The following HIVEP1 variants were observed in gnomAD, a reference collection of about 807,000 sequenced individuals.
HIVEP1 encodes zinc finger protein 40.
HIVEP1 carries 36 observed loss-of-function variants against 180.0 expected under a neutral mutation model. The ratio of observed to expected loss-of-function variants is 0.20; its 90% CI spans 0.15 to 0.26. The LOEUF is 0.26. HIVEP1 is among the 10% of genes least tolerant of loss of function. The pLI is 1.00. For missense variants in HIVEP1, 3,143 were observed against 3,268.7 expected, an observed-to-expected ratio of 0.96 and a Z score of 0.94; for synonymous variants, 1,239 against 1,239.0, an observed-to-expected ratio of 1.00 and a Z score of 0.00.
At chr6:12,108,683 G>GTGC (rs1187398311) in intron 3 of HIVEP1, among the ~76,000 whole-genome samples, 2 of 152,182 alleles carry the variant, frequency 1.3e-5, no homozygotes, top group African/African-American at 4.8e-5. Flanking sequence ...GCTGCTCCGA[G>GTGC]TGCGGGGCCC....
chr6:12,201,540 G>A, the HIVEP1 span, among the ~76,000 whole-genome samples: 1 of 152,086 alleles, frequency 6.6e-6, no homozygotes, highest in Non-Finnish European at 1.5e-5. Flanking sequence ...TATAAGGCAC[G>A]GTCTGTAGTA....
the HIVEP1 span, among the ~76,000 whole-genome samples, chr6:12,189,625 A>G: frequency 3.1e-4 from 47 of 152,296 alleles, no homozygotes; most frequent in African/African-American, 1.1e-3. Context: ...TTTGTGCACT[A>G]TTTGAAGGAC....
Position 12,122,554 on chromosome 6 carries a change from A to G in HIVEP1, c.2759A>G (p.Asp920Gly), listed in dbSNP as rs913898202. 2 of 1,614,114 alleles carry G rather than the reference A, an allele frequency of 1.2e-6. No homozygotes were observed. The highest frequency in any genetic ancestry group is 2.7e-5 in the African/African-American group (2 of 74,942). The change falls in exon 4 of 9, where the codon GAT becomes GGT. Residue 920 changes from aspartate (D) to glycine (G), a missense_variant. This residue lies in a region of HIVEP1 where 204 missense variants were observed against 243.7 expected (regional missense o/e 0.84). Transcript: ENST00000379388. ...GTTCTTGGTACTGGACAGTCCCTGG[A>G]TGAGAGCCACCAAGGATGCCATGCT... ...SHVLGTGQSL[D>G]ESHQGCHAAG... is the part of the protein sequence containing the mutation.
chr6:12,177,983 T>C, the HIVEP1 span, among the ~76,000 whole-genome samples: 4 of 152,210 alleles, frequency 2.6e-5, no homozygotes, highest in African/African-American at 9.7e-5. Flanking sequence ...AGATAACATT[T>C]CAAAGTATAA....
chr6:12,037,660 T>TG, intron 2 of HIVEP1: 1 of 398,044 alleles, frequency 2.5e-6, no homozygotes, highest in South Asian at 1.3e-4. Context: ...TTTTAAATGT[T>TG]CTTCAACAGG....
the HIVEP1 span, among the ~76,000 whole-genome samples, chr6:12,193,489 G>C: frequency 6.6e-6 from 1 of 152,168 alleles, no homozygotes; most frequent in African/African-American, 2.4e-5. Context: ...CAGAAAAACA[G>C]TTTTCAAGGT....
At chr6:12,126,156 G>A (rs1758058083) in intron 4 of HIVEP1, among the ~76,000 whole-genome samples, 1 of 152,176 alleles carries the variant, frequency 6.6e-6, no homozygotes, top group South Asian at 2.1e-4. Context: ...TAGTAGTACA[G>A]ATGATCATGG....
At chr6:12,036,407 G>T (rs1409517908) in intron 2 of HIVEP1, among the ~76,000 whole-genome samples, 2 of 152,204 alleles carry the variant, frequency 1.3e-5, no homozygotes, top group Admixed American at 1.3e-4. Flanking sequence ...TGGTCTTTGT[G>T]GAAATACTTT....
Position 12,089,131 on chromosome 6 carries a change from C to G in HIVEP1, c.41-53C>G. 8 of 989,584 alleles carry G rather than the reference C, an allele frequency of 8.1e-6. No individual in the cohort carries two copies. The South Asian group carries it at 1.1e-4, about 14-fold the overall frequency. 61.3% of individuals were successfully genotyped at this position (989,584 alleles called of 1,614,324 possible). A position where few individuals can be genotyped will look rare whatever the true frequency, so the allele number is the denominator to read the frequency against. On this transcript the variant is annotated intron_variant, in intron 2 of 8. Transcript: ENST00000379388. ...AAAGTAGTATGTTTGCTTTACTGTA[C>G]TCTTATTTGTTTAAGGTAAATTAAT...
At chr6:12,211,122 G>T in the HIVEP1 span, among the ~76,000 whole-genome samples, 12 of 151,144 alleles carry the variant, frequency 7.9e-5, no homozygotes, top group Non-Finnish European at 1.8e-4. Context: ...CTTTGAGGCC[G>T]GGCGCGGTGG....
chr6:12,090,392 T>A (rs115393111), intron 3 of HIVEP1, among the ~76,000 whole-genome samples: 1,546 of 152,242 alleles, frequency 0.01, 28 homozygotes, highest in African/African-American at 0.035. Context: ...CAGGTATCTG[T>A]AGGGGAAATA....
At chr6:12,145,291 T>C (rs544343016) in intron 7 of HIVEP1, among the ~76,000 whole-genome samples, 13 of 152,068 alleles carry the variant, frequency 8.5e-5, no homozygotes, top group Non-Finnish European at 1.5e-4. Flanking sequence ...CACCGCATGT[T>C]CTCACTCACA....
At chr6:12,200,368 A>C in the HIVEP1 span, among the ~76,000 whole-genome samples, 1 of 152,240 alleles carries the variant, frequency 6.6e-6, no homozygotes, top group African/African-American at 2.4e-5. Flanking sequence ...AACTGCTACT[A>C]TCTGCCTATG....
intron 3 of HIVEP1, among the ~76,000 whole-genome samples, chr6:12,100,101 G>A (rs1019966120): frequency 2.0e-5 from 3 of 152,188 alleles, no homozygotes; most frequent in African/African-American, 7.2e-5. Context: ...GAAGAACTGA[G>A]GATTCCAGAT....
chr6:12,013,273 G>A (rs999082351), intron 1 of HIVEP1, among the ~76,000 whole-genome samples: 6 of 152,174 alleles, frequency 3.9e-5, no homozygotes, highest in Non-Finnish European at 8.8e-5. Flanking sequence ...GTTTTCCCAG[G>A]CTCCGCCCTC....
intron 4 of HIVEP1, among the ~76,000 whole-genome samples, chr6:12,126,448 A>C (rs1392931804): frequency 1.3e-5 from 2 of 152,220 alleles, no homozygotes; most frequent in Non-Finnish European, 2.9e-5. Flanking sequence ...TGGTAAGTTG[A>C]TTTGGTCAAG....
upstream of HIVEP1, among the ~76,000 whole-genome samples, chr6:12,009,290 G>A (rs1218102762): frequency 6.6e-6 from 1 of 151,444 alleles, no homozygotes; most frequent in African/African-American, 2.4e-5. Context: ...GGGGCCCAGT[G>A]GACGCGGCTC....
intron 7 of HIVEP1, among the ~76,000 whole-genome samples, chr6:12,156,610 T>G (rs1019930846): frequency 5.9e-5 from 9 of 152,124 alleles, no homozygotes; most frequent in African/African-American, 4.8e-5. Flanking sequence ...TGTACCAGTA[T>G]CATGCATGTG....
chr6:12,103,009 A>C (rs1581685797), intron 3 of HIVEP1, among the ~76,000 whole-genome samples: 1 of 152,200 alleles, frequency 6.6e-6, no homozygotes, highest in South Asian at 2.1e-4. Context: ...ACATCAAATA[A>C]AATATATGTT....
Sources: gnomAD v4.1 joint callset for allele counts (sites outside exome capture counted in the v4.1 genomes callset) on GRCh38, gnomAD v4.1.1 for gene constraint, gnomAD v4.1.1 regional missense constraint, MANE v1.5 for transcripts, NCBI Gene and HGNC (gene_info 2026-07-23, HGNC 2026-07-21) for gene names.